Variants in FGF1 observed in about 807,000 individuals in gnomAD.
The protein encoded by FGF1 is fibroblast growth factor 1, also known as beta-endothelial cell growth factor.
In FGF1, 9 loss-of-function variants were observed where a neutral mutation model predicts 13.4. The observed-to-expected ratio is 0.67, with a 90% CI of 0.40 to 1.17. The LOEUF (loss-of-function observed/expected upper bound fraction) is 1.17, where lower values mean the gene tolerates loss of function less well. FGF1 is among the 50% of genes most tolerant of loss of function. The probability of loss-of-function intolerance (pLI) is 0.01; values close to 1 mark genes in which losing one functional copy is unlikely to be tolerated. For synonymous variants in FGF1, 93 were observed against 79.0 expected (o/e 1.18, Z -0.94); for missense variants, 156 against 192.7 (o/e 0.81, Z 1.13).
In FGF1 at chr5:142,638,853, G is replaced by T. The variant is rs536462543; in HGVS notation, c.-34-24692C>A. Among the ~76,000 whole-genome samples, 39 of 151,944 alleles carry T rather than the reference G, an allele frequency of 2.6e-4. 1 individual carries two copies. Among genetic ancestry groups the T allele is most frequent in the Non-Finnish European group, 1.3e-4 (9 of 68,020 alleles). ...TAAGAAAGCAATCCCATTAAAAATG[G>T]GTAAATGACCTGAACAGATAATTCT... On this transcript the variant is annotated intron_variant, in intron 1 of 3. Transcript: ENST00000337706.
At position 142,625,313 on chromosome 5, in the gene FGF1, G is replaced by GAC. The variant is rs59813387; in HGVS notation, c.-34-11154_-34-11153dup. On this transcript the variant is annotated intron_variant, in intron 1 of 3. Transcript: ENST00000337706. ...TAACGAAGAGAGAGAACTACAAGCG[G>GAC]ACACACACACACACACACACACACA... Among the ~76,000 whole-genome samples the GAC allele has an allele frequency of 8.7e-3, 1,285 of 148,384 alleles. 9 individuals are homozygous for GAC. Among genetic ancestry groups the GAC allele is most frequent in the African/African-American group, 0.019 (761 of 40,220 alleles).
At chr5:142,643,606 AG>A (rs1339026321) in intron 1 of FGF1, among the ~76,000 whole-genome samples, 8 of 152,202 alleles carry the variant, frequency 5.3e-5, no homozygotes, top group Non-Finnish European at 1.0e-4. Flanking sequence ...ATTTCTCAGT[AG>A]GGACCAACAG....
chr5:142,643,929 A>G (rs1405393523), intron 1 of FGF1, among the ~76,000 whole-genome samples: 5 of 152,226 alleles, frequency 3.3e-5, no homozygotes, highest in Non-Finnish European at 5.9e-5. Flanking sequence ...CGCAAGCAAT[A>G]AAAGTTGGCT....
chr5:142,684,657 C>G (rs1597462722), intron 1 of FGF1, among the ~76,000 whole-genome samples: 2 of 152,198 alleles, frequency 1.3e-5, no homozygotes, highest in African/African-American at 4.8e-5. Context: ...ATCAGAGTCT[C>G]CACCAAAATC....
At chr5:142,600,660 A>G (rs1368849639) in intron 3 of FGF1, 42 bp downstream of exon 3, 1 of 1,410,506 alleles carries the variant, frequency 7.1e-7, no homozygotes, top group East Asian at 2.3e-5. Flanking sequence ...TGGAAACCTC[A>G]AACCTTGGCC....
intron 1 of FGF1, among the ~76,000 whole-genome samples, chr5:142,625,682 C>G (rs902020840): frequency 2.6e-5 from 4 of 152,210 alleles, no homozygotes; most frequent in African/African-American, 9.6e-5. Flanking sequence ...ATTAAAGCCC[C>G]AGGGCTTCAC....
intron 1 of FGF1, among the ~76,000 whole-genome samples, chr5:142,661,057 C>T (rs1458125551): frequency 6.6e-6 from 1 of 152,210 alleles, no homozygotes; most frequent in Non-Finnish European, 1.5e-5. Flanking sequence ...CCATCATACA[C>T]CATTCCTCTT....
chr5:142,650,404 ACTTAGTG>A (rs1767014653), intron 1 of FGF1, among the ~76,000 whole-genome samples: 1 of 152,182 alleles, frequency 6.6e-6, no homozygotes, highest in African/African-American at 2.4e-5. Context: ...CTCACCACTC[ACTTAGTG>A]GCTGTGTGCC....
chr5:142,636,180 T>C (rs757176376), intron 1 of FGF1, among the ~76,000 whole-genome samples: 1 of 152,342 alleles, frequency 6.6e-6, no homozygotes, highest in Non-Finnish European at 1.5e-5. Context: ...GGTACACCAA[T>C]GCATCTGCAC....
intron 1 of FGF1, among the ~76,000 whole-genome samples, chr5:142,676,231 A>C (rs1597431284): frequency 6.6e-6 from 1 of 152,110 alleles, no homozygotes; most frequent in Admixed American, 6.5e-5. Flanking sequence ...CTTCCAAAAA[A>C]CCTTTGCCAG....
intron 1 of FGF1, among the ~76,000 whole-genome samples, chr5:142,669,648 G>T (rs745617247): frequency 1.3e-5 from 2 of 152,254 alleles, no homozygotes; most frequent in African/African-American, 2.4e-5. Flanking sequence ...GACGACTGCT[G>T]CACTCGCTGT....
chr5:142,635,952 A>G (rs1011879213), intron 1 of FGF1, among the ~76,000 whole-genome samples: 4 of 152,230 alleles, frequency 2.6e-5, no homozygotes, highest in Non-Finnish European at 5.9e-5. Flanking sequence ...CCCTGGGGAC[A>G]CTGCCCATTT....
chr5:142,619,004 G>A (rs541381643), intron 1 of FGF1, among the ~76,000 whole-genome samples: 2 of 132,498 alleles, frequency 1.5e-5, no homozygotes, highest in Non-Finnish European at 3.1e-5. Flanking sequence ...GCACAATCTC[G>A]GCTCACTGCA....
chr5:142,624,393 G>A (rs1337633882), intron 1 of FGF1, among the ~76,000 whole-genome samples: 2 of 152,114 alleles, frequency 1.3e-5, no homozygotes, highest in Admixed American at 6.5e-5. Flanking sequence ...AGGAGTATTC[G>A]AAAAATACCA....
intron 1 of FGF1, among the ~76,000 whole-genome samples, chr5:142,668,344 T>C (rs9324888): frequency 0.19 from 29,026 of 152,238 alleles, 3,002 homozygotes; most frequent in African/African-American, 0.24. Context: ...TTCCATTTCC[T>C]AGGTAAAAGG....
At chr5:142,695,520 T>C (rs978609387) in intron 2 of FGF1, among the ~76,000 whole-genome samples, 2 of 147,924 alleles carry the variant, frequency 1.4e-5, no homozygotes, top group Non-Finnish European at 3.0e-5. Flanking sequence ...AGGCGGAGGT[T>C]GCAGTGAGCC....
intron 1 of FGF1, among the ~76,000 whole-genome samples, chr5:142,640,426 T>TGGGGG (rs771167178): frequency 2.8e-5 from 2 of 71,056 alleles, no homozygotes; most frequent in Non-Finnish European, 5.8e-5. Flanking sequence ...TGGAGTATGG[T>TGGGGG]GGGGGGGGGG....
At chr5:142,661,865 T>C (rs1489172424) in intron 1 of FGF1, among the ~76,000 whole-genome samples, 1 of 151,954 alleles carries the variant, frequency 6.6e-6, no homozygotes, top group Admixed American at 6.6e-5. Flanking sequence ...TAGCAGGGCA[T>C]GGTGGCGGTT....
At position 142,597,625 on chromosome 5, in the gene FGF1, T is replaced by C. The variant is rs1755584592; in HGVS notation, c.274-2141A>G. Reference sequence around the variant, plus strand: ...TATATTAAAACACTTATGCTGGAACTGAGACATCTGACTTTGCTTTGCCTT... The same window carrying C: ...TATATTAAAACACTTATGCTGGAACCGAGACATCTGACTTTGCTTTGCCTT... On this transcript the variant is annotated intron_variant, in intron 3 of 3. Transcript: ENST00000337706. 2.6e-5 allele frequency among the ~76,000 whole-genome samples: 4 copies of C among 152,390 alleles called. No individual in the cohort carries two copies. The South Asian group carries it at 8.3e-4, about 32-fold the overall frequency.
Sources: allele counts gnomAD v4.1 joint callset (sites outside exome capture counted in the v4.1 genomes callset), GRCh38; gene constraint gnomAD v4.1.1; transcripts MANE v1.5; gene names NCBI Gene and HGNC (gene_info 2026-07-23, HGNC 2026-07-21).